RGPD3: variants seen among roughly 807,000 people sequenced by gnomAD.
RGPD3 encodes ranBP2-like and GRIP domain-containing protein 3.
A neutral mutation model predicts 154.5 loss-of-function variants in RGPD3; 62 were observed. The observed-to-expected ratio is 0.40, with a 90% CI of 0.33 to 0.50. RGPD3 has a LOEUF of 0.50. RGPD3 is among the 20% of genes least tolerant of loss of function. The pLI, the probability that RGPD3 is intolerant of heterozygous loss-of-function variation, is 0.59. For missense variants in RGPD3, 919 were observed against 1,716.8 expected, an observed-to-expected ratio of 0.54 and a Z score of 8.21; for synonymous variants, 308 against 607.0, an observed-to-expected ratio of 0.51 and a Z score of 7.24.
chr2:106,467,046 T>G (rs1409297660), intron 1 of RGPD3, among the ~76,000 whole-genome samples: 135 of 75,802 alleles, frequency 1.8e-3, no homozygotes, highest in Middle Eastern at 0.021. Context: ...GCGCGCCAGG[T>G]AACAGCGCCG....
chr2:106,407,079 G>A (rs2104438948), intron 22 of RGPD3, among the ~76,000 whole-genome samples: 1 of 148,608 alleles, frequency 6.7e-6, no homozygotes, highest in South Asian at 2.2e-4. Context: ...TGGCATGGCT[G>A]GGGTCTCATC....
chr2:106,462,186 C>T (rs1394118885), intron 1 of RGPD3, among the ~76,000 whole-genome samples: 1 of 152,016 alleles, frequency 6.6e-6, no homozygotes, highest in Non-Finnish European at 1.5e-5. Context: ...CGGCCAGTTC[C>T]CCCTTTTCAA....
In RGPD3 at chr2:106,424,736, C is replaced by G; in HGVS notation, c.3231G>C (p.Trp1077Cys). Reference sequence around the variant, plus strand: ...TTAAGTTCCCCAAGCCCCTTTCTTTCCACTGACTTACCTCAGCATCAAATC... The same window carrying G: ...TTAAGTTCCCCAAGCCCCTTTCTTTGCACTGACTTACCTCAGCATCAAATC... ...LFRFDAEVSQ[W>C]KERGLGNLKI... Residue 1077 changes from tryptophan to cysteine, a missense_variant, in exon 20 of 23, where the codon TGG (tryptophan) becomes TGC (cysteine). By Grantham distance (215) the Trp-to-Cys change is radical. Coordinates refer to ENST00000409886, the MANE Select transcript of RGPD3 (RefSeq NM_001144013.2). 6.2e-7 allele frequency: 1 copy of G among 1,611,962 alleles called. No individual in the cohort carries two copies. Among genetic ancestry groups the G allele is most frequent in the African/African-American group, 1.3e-5 (1 of 74,956 alleles).
chr2:106,468,544 G>C (rs1678724782), upstream of RGPD3, among the ~76,000 whole-genome samples: 2 of 152,162 alleles, frequency 1.3e-5, no homozygotes, highest in Admixed American at 6.5e-5. Context: ...CGTGGCTCAC[G>C]CCTGTAATCC....
intron 1 of RGPD3, among the ~76,000 whole-genome samples, chr2:106,463,978 C>T (rs1364863593): frequency 6.6e-6 from 1 of 152,040 alleles, no homozygotes; most frequent in Non-Finnish European, 1.5e-5. Context: ...ACTGCAATAA[C>T]AGTACTGAAA....
Position 106,412,321 on chromosome 2 carries a change from T to TTTTGTTTTG in RGPD3, c.5266+762_5266+763insCAAAACAAA, listed in dbSNP as rs1676699510. On this transcript the variant is annotated intron_variant, in intron 22 of 22. Transcript: ENST00000409886. ...TTTTTTTTTTTTTTTTTTTTTTTTT[T>TTTTGTTTTG]TTTTTTTTTTGAGATGGAGTCTCGC... Among the ~76,000 whole-genome samples, 5 of 100,026 alleles carry TTTTGTTTTG rather than the reference T, an allele frequency of 5.0e-5. No individual in the cohort carries two copies. In the South Asian group the frequency reaches 2.0e-3, roughly 40 times the overall value. 65.6% of individuals were successfully genotyped at this position (100,026 alleles called of 152,430 possible).
At chr2:106,448,938 G>T (rs1372093344) in intron 6 of RGPD3, among the ~76,000 whole-genome samples, 2 of 150,934 alleles carry the variant, frequency 1.3e-5, no homozygotes. Context: ...TGATCCACCC[G>T]CCTTGGCCTC....
chr2:106,409,803 C>T (rs1676614365), intron 22 of RGPD3, among the ~76,000 whole-genome samples: 1 of 150,378 alleles, frequency 6.6e-6, no homozygotes, highest in Admixed American at 6.6e-5. Flanking sequence ...ATGTCTTTTC[C>T]CACTCTTGTT....
intron 18 of RGPD3, among the ~76,000 whole-genome samples, chr2:106,427,336 C>T (rs551930818): frequency 5.7e-4 from 87 of 151,766 alleles, no homozygotes; most frequent in Non-Finnish European, 1.1e-3. Context: ...CAAATTCATG[C>T]ACAGGATCTC....
intron 7 of RGPD3, among the ~76,000 whole-genome samples, chr2:106,445,297 A>T (rs563897540): frequency 2.6e-5 from 4 of 151,756 alleles, no homozygotes; most frequent in East Asian, 1.9e-4. Flanking sequence ...TCAAAAAAAA[A>T]AAATAAAATA....
At chr2:106,470,847 A>C, upstream of RGPD3, 5 of 1,603,488 alleles carry the variant, frequency 3.1e-6, 1 homozygote, top group South Asian at 5.6e-5. Context: ...TGGAGCACTA[A>C]CGCCATCTAG....
intron 1 of RGPD3, among the ~76,000 whole-genome samples, chr2:106,461,654 C>T (rs1385686334): frequency 6.6e-6 from 1 of 150,804 alleles, no homozygotes; most frequent in Admixed American, 6.6e-5. Context: ...AACGAACAAT[C>T]AGAAAAGGAA....
rs780580478 is a variant in RGPD3 at position 106,423,958 on chromosome 2, G to T, written c.4009C>A (p.Pro1337Thr). 5 of 1,611,576 alleles carry T rather than the reference G, an allele frequency of 3.1e-6. No homozygotes were observed. The highest frequency in any genetic ancestry group is 4.2e-6 in the Non-Finnish European group (5 of 1,179,832). The change falls in exon 20 of 23, where the codon CCT (proline) becomes ACT (threonine). Residue 1337 changes from proline (P) to threonine (T), a missense_variant. Transcript: ENST00000409886. The part of the protein sequence containing the change: ...EEERDGQYFE[P>T]VVPLPDLVEV... ...ACTAGATCAGGTAAAGGAACAACAG[G>T]TTCAAAGTACTGTCCATCTCTCTCT...
intron 7 of RGPD3, among the ~76,000 whole-genome samples, chr2:106,445,206 G>A (rs1225648442): frequency 8.5e-5 from 12 of 140,996 alleles, no homozygotes; most frequent in East Asian, 6.4e-4. Context: ...GGAGAATGGC[G>A]TGAACCCAGG....
At chr2:106,405,570 G>A (rs1206855023) in intron 22 of RGPD3, among the ~76,000 whole-genome samples, 1 of 151,938 alleles carries the variant, frequency 6.6e-6, no homozygotes, top group Non-Finnish European at 1.5e-5. Flanking sequence ...AGAGATGCAG[G>A]TCTCACTGTT....
At chr2:106,469,921 GCC>G (rs1374795557), upstream of RGPD3, among the ~76,000 whole-genome samples, 1 of 151,326 alleles carries the variant, frequency 6.6e-6, no homozygotes, top group Non-Finnish European at 1.5e-5. Flanking sequence ...ATCCTGTAAT[GCC>G]CTGTCAATTG....
intron 22 of RGPD3, among the ~76,000 whole-genome samples, chr2:106,410,695 T>A (rs1676643726): frequency 6.6e-6 from 1 of 152,206 alleles, no homozygotes; most frequent in Non-Finnish European, 1.5e-5. Context: ...TCTTGCTTTT[T>A]ATAGGGGCAG....
chr2:106,426,209 A>G (rs1444813772), intron 18 of RGPD3, 121 bp from the exon 19 acceptor site: 2 of 816,192 alleles, frequency 2.5e-6, no homozygotes, highest in African/African-American at 3.5e-5. Context: ...AACTACATAA[A>G]TTTTAAATTT....
chr2:106,470,138 T>C (rs1678778784), upstream of RGPD3, among the ~76,000 whole-genome samples: 1 of 152,192 alleles, frequency 6.6e-6, no homozygotes, highest in Non-Finnish European at 1.5e-5. Flanking sequence ...GAACAATGCC[T>C]AGCACATAGA....
Sources: gnomAD v4.1 joint callset for allele counts (sites outside exome capture counted in the v4.1 genomes callset) on GRCh38, gnomAD v4.1.1 for gene constraint, MANE v1.5 for transcripts, NCBI Gene and HGNC (gene_info 2026-07-23, HGNC 2026-07-21) for gene names.